Variants in DISC1 observed in about 807,000 individuals in gnomAD.
The protein encoded by DISC1 is disrupted in schizophrenia 1 protein.
DISC1 carries 57 observed loss-of-function variants against 84.5 expected under a neutral mutation model. The ratio of observed to expected loss-of-function variants is 0.67; its 90% CI spans 0.55 to 0.84. The LOEUF is 0.84. Among genes scored for constraint, DISC1 ranks in the 40% least tolerant of loss-of-function variants. The pLI, the probability that DISC1 is intolerant of heterozygous loss-of-function variation, is 0.00. For missense variants in DISC1, 1,000 were observed against 1,057.8 expected, an observed-to-expected ratio of 0.95 and a Z score of 0.76; for synonymous variants, 411 against 415.2, an observed-to-expected ratio of 0.99 and a Z score of 0.12.
At chr1:231,850,400 A>G (rs2083806895) in intron 9 of DISC1, among the ~76,000 whole-genome samples, 1 of 152,258 alleles carries the variant, frequency 6.6e-6, no homozygotes, top group African/African-American at 2.4e-5. Context: ...GTCTGTCTGT[A>G]CAATGCTAGG....
intron 9 of DISC1, among the ~76,000 whole-genome samples, chr1:231,952,090 C>CAAAAAAAAAAAAAAAAAAA (rs11392611): frequency 3.7e-5 from 2 of 54,234 alleles, no homozygotes; most frequent in South Asian, 7.9e-4. Flanking sequence ...CTCAATGTCT[C>CAAAAAAAAAAAAAAAAAAA]AAAAAAAAAA....
chr1:231,753,627 C>A (rs1179727691), intron 4 of DISC1, among the ~76,000 whole-genome samples: 1 of 152,226 alleles, frequency 6.6e-6, no homozygotes, highest in Non-Finnish European at 1.5e-5. Context: ...GCACTCAGCT[C>A]CTTTTTACTT....
chr1:231,844,094 G>T (rs966917797), intron 9 of DISC1, among the ~76,000 whole-genome samples: 1 of 152,190 alleles, frequency 6.6e-6, no homozygotes, highest in African/African-American at 2.4e-5. Flanking sequence ...GGGAGGACCG[G>T]CAGGAGTGTG....
At chr1:231,664,264 C>T (rs1287659282) in intron 1 of DISC1, among the ~76,000 whole-genome samples, 4 of 152,166 alleles carry the variant, frequency 2.6e-5, no homozygotes, top group African/African-American at 9.7e-5. Context: ...TTATTTTAAA[C>T]ATCTACAATA....
In DISC1 at chr1:232,009,253, C is replaced by G; in HGVS notation, c.2307+204C>G. ...TGAAATATAGAAGAGCAAAAAAACCCAACTTTTGGCATATTTAGTTCCATT... is the reference window on the plus strand; with the variant it reads ...TGAAATATAGAAGAGCAAAAAAACCGAACTTTTGGCATATTTAGTTCCATT... On this transcript the variant is annotated intron_variant, in intron 11 of 12. Coordinates refer to ENST00000439617, the MANE Select transcript of DISC1 (RefSeq NM_018662.3). The surrounding 1 kb of genome is among the most constrained non-coding windows in gnomAD (Gnocchi z 4.6). The G allele has an allele frequency of 7.3e-7, 1 of 1,376,322 alleles. No homozygotes were observed. The highest frequency in any genetic ancestry group is 9.4e-7 in the Non-Finnish European group (1 of 1,066,754). 85.3% of individuals were successfully genotyped at this position (1,376,322 alleles called of 1,614,324 possible). A position where few individuals can be genotyped will look rare whatever the true frequency, so the allele number is the denominator to read the frequency against.
intron 8 of DISC1, among the ~76,000 whole-genome samples, chr1:231,801,509 T>G (rs1171548390): frequency 1.3e-5 from 2 of 152,204 alleles, no homozygotes; most frequent in African/African-American, 4.8e-5. Flanking sequence ...GTTTCCTGTT[T>G]TAGCTCTTTG....
intron 10 of DISC1, among the ~76,000 whole-genome samples, chr1:231,984,853 G>T (rs184483639): frequency 1.3e-5 from 2 of 152,274 alleles, no homozygotes; most frequent in East Asian, 3.9e-4. Flanking sequence ...ACACAAGTAA[G>T]GGGTTGGCAA....
chr1:231,767,053 G>T lies in DISC1; in HGVS notation c.1269-87G>T. 10 of 1,569,912 alleles carry T rather than the reference G, an allele frequency of 6.4e-6. No individual in the cohort carries two copies. The South Asian group carries it at 1.1e-4, about 18-fold the overall frequency. On this transcript the variant is annotated intron_variant, in intron 4 of 12. Coordinates refer to ENST00000439617, the MANE Select transcript of DISC1 (RefSeq NM_018662.3). ...GTATGAGAACAGATGGGGGCCACTT[G>T]CTGGAGTTTCTTACTCTTAAAATAC...
intron 10 of DISC1, among the ~76,000 whole-genome samples, chr1:231,968,508 C>T (rs1661408054): frequency 4.0e-5 from 6 of 149,072 alleles, no homozygotes; most frequent in East Asian, 2.0e-4. Flanking sequence ...AGGAGAATGG[C>T]GTGAACCCGG....
At chr1:231,685,245 T>C (rs2064129604) in intron 1 of DISC1, 1 of 152,264 alleles carries the variant, frequency 6.6e-6, no homozygotes, top group African/African-American at 2.4e-5. Context: ...TATGTGTTTA[T>C]AAATATTTCA....
intron 8 of DISC1, among the ~76,000 whole-genome samples, chr1:231,805,516 A>G (rs1051196772): frequency 6.6e-6 from 1 of 152,096 alleles, no homozygotes; most frequent in African/African-American, 2.4e-5. Flanking sequence ...ACGCACTTTT[A>G]AGTAGCCGGA....
intron 1 of DISC1, among the ~76,000 whole-genome samples, chr1:231,686,632 T>C (rs1032264708): frequency 6.6e-6 from 1 of 152,212 alleles, no homozygotes; most frequent in African/African-American, 2.4e-5. Flanking sequence ...GTGAAGACCT[T>C]TGACATGCCG....
At chr1:231,868,692 T>TTATATATATATATATATATATATATA (rs58636016) in intron 9 of DISC1, among the ~76,000 whole-genome samples, 11 of 108,848 alleles carry the variant, frequency 1.0e-4, no homozygotes, top group Non-Finnish European at 1.7e-4. Context: ...ACCCCATCTC[T>TTATATATATATATATATATATATATA]TATATATATA....
intron 1 of DISC1, among the ~76,000 whole-genome samples, chr1:231,658,606 C>T (rs2061328478): frequency 6.6e-6 from 1 of 152,122 alleles, no homozygotes; most frequent in African/African-American, 2.4e-5. Context: ...ATGATATTGG[C>T]TGTGGGTTTG....
At chr1:231,740,129 C>A (rs766822996) in intron 3 of DISC1, among the ~76,000 whole-genome samples, 2 of 152,212 alleles carry the variant, frequency 1.3e-5, no homozygotes, top group Non-Finnish European at 2.9e-5. Context: ...GCAGCTTGAT[C>A]TTCGACTTCC....
rs542304777 is a variant in DISC1 at position 231,678,193 on chromosome 1, A to G, written c.68-15633A>G. ...GTAAATAAAAAAATGGACATCTAATACATACATTGGTCTCGTCTGAAGAAA... is the reference window on the plus strand; with the variant it reads ...GTAAATAAAAAAATGGACATCTAATGCATACATTGGTCTCGTCTGAAGAAA... On this transcript the variant is annotated intron_variant, in intron 1 of 12. Coordinates refer to ENST00000439617, the MANE Select transcript of DISC1 (RefSeq NM_018662.3). 3.9e-5 allele frequency among the ~76,000 whole-genome samples: 6 copies of G among 152,286 alleles called. No homozygotes were observed. In the South Asian group the frequency reaches 1.0e-3, roughly 26 times the overall value.
At chr1:231,818,698 C>A in intron 9 of DISC1, 181 bp downstream of exon 9, 1 of 1,429,926 alleles carries the variant, frequency 7.0e-7, no homozygotes, top group South Asian at 1.6e-5. Context: ...AATTACTTGT[C>A]AGCTTTTGTT....
intron 12 of DISC1, among the ~76,000 whole-genome samples, chr1:232,034,897 T>TAAA (rs11376890): frequency 1.4e-5 from 2 of 146,170 alleles, no homozygotes; most frequent in African/African-American, 5.0e-5. Flanking sequence ...CAAAGCCTCT[T>TAAA]AAAAAAAAAA....
chr1:231,921,418 C>G (rs948671161), intron 9 of DISC1, among the ~76,000 whole-genome samples: 4 of 152,210 alleles, frequency 2.6e-5, no homozygotes, highest in Admixed American at 2.0e-4. Context: ...GATAGAGATA[C>G]TGACCCTTCC....
Sources: gnomAD v4.1 joint callset for allele counts (sites outside exome capture counted in the v4.1 genomes callset) on GRCh38, gnomAD v4.1.1 for gene constraint, Gnocchi (gnomAD v3.1) non-coding constraint, MANE v1.5 for transcripts, NCBI Gene and HGNC (gene_info 2026-07-23, HGNC 2026-07-21) for gene names.